Variants in IQSEC1 observed in about 807,000 individuals in gnomAD.
The protein encoded by IQSEC1 is IQ motif and Sec7 domain ArfGEF 1.
Under a neutral mutation model 91.0 loss-of-function variants are expected in IQSEC1, and 31 were observed. That is an observed-to-expected ratio of 0.34 (90% CI 0.26 to 0.46). The LOEUF (loss-of-function observed/expected upper bound fraction) is 0.46. Ranked by LOEUF, IQSEC1 falls within the 20% of genes least tolerant of loss-of-function variation. The pLI is 1.00. For missense variants in IQSEC1, 1,388 were observed against 1,575.6 expected (o/e 0.88, Z 2.02); for synonymous variants, 699 against 662.6 (o/e 1.05, Z -0.84).
chr3:12,937,940 A>G (rs950633183), intron 2 of IQSEC1, among the ~76,000 whole-genome samples: 3 of 152,140 alleles, frequency 2.0e-5, no homozygotes, highest in African/African-American at 7.2e-5. Flanking sequence ...GGTGAGCTAC[A>G]TGCAGGGAGA....
intron 2 of IQSEC1, among the ~76,000 whole-genome samples, chr3:13,092,284 G>A (rs1705876381): frequency 6.6e-6 from 1 of 152,150 alleles, no homozygotes; most frequent in Non-Finnish European, 1.5e-5. Context: ...AGTAAGTTCT[G>A]GGGTTAGTAC....
chr3:13,277,160 C>T (rs630814), intron 1 of IQSEC1, among the ~76,000 whole-genome samples: 86,521 of 140,964 alleles, frequency 0.61, 27,219 homozygotes, highest in East Asian at 0.94. Context: ...CACAAAAGAC[C>T]GGATCAGCTG....
chr3:12,989,231 G>A (rs1286841870), intron 1 of IQSEC1, among the ~76,000 whole-genome samples: 3 of 152,214 alleles, frequency 2.0e-5, no homozygotes, highest in Non-Finnish European at 4.4e-5. Context: ...TTTTGCTCCA[G>A]TGGTAACCCC....
At chr3:13,160,572 T>C (rs1202546246) in intron 2 of IQSEC1, among the ~76,000 whole-genome samples, 2 of 152,248 alleles carry the variant, frequency 1.3e-5, no homozygotes, top group Non-Finnish European at 2.9e-5. Context: ...GTGCAGAATC[T>C]CTGCCCATTA....
intron 2 of IQSEC1, among the ~76,000 whole-genome samples, chr3:13,113,219 G>A (rs1194568512): frequency 6.6e-6 from 1 of 152,204 alleles, no homozygotes; most frequent in African/African-American, 2.4e-5. Flanking sequence ...CTGCCCCTTT[G>A]CCTTGGTCTG....
At chr3:13,138,166 C>A (rs939263748) in intron 2 of IQSEC1, among the ~76,000 whole-genome samples, 2 of 152,212 alleles carry the variant, frequency 1.3e-5, no homozygotes, top group African/African-American at 4.8e-5. Flanking sequence ...CTTCCTCACG[C>A]CCCGGCTGAT....
chr3:13,132,905 G>A (rs1434728615), intron 2 of IQSEC1, among the ~76,000 whole-genome samples: 6 of 152,198 alleles, frequency 3.9e-5, no homozygotes, highest in African/African-American at 9.7e-5. Context: ...CACAACCCCC[G>A]AATGCACAGA....
chr3:12,987,078 C>G (rs1701775120), intron 1 of IQSEC1: 1 of 383,370 alleles, frequency 2.6e-6, no homozygotes, highest in African/African-American at 2.1e-5. Context: ...TCAGCCGTCC[C>G]CCATCTGGTG....
intron 2 of IQSEC1, among the ~76,000 whole-genome samples, chr3:13,097,775 G>A (rs941108820): frequency 7.2e-5 from 11 of 152,170 alleles, no homozygotes; most frequent in African/African-American, 2.4e-4. Context: ...TTCTGGCTGC[G>A]CATTCAACTT....
At chr3:13,026,588 C>T (rs945572015) in intron 1 of IQSEC1, among the ~76,000 whole-genome samples, 6 of 152,234 alleles carry the variant, frequency 3.9e-5, no homozygotes, top group Non-Finnish European at 8.8e-5. Flanking sequence ...CAAATGAAAA[C>T]GATTTCCCAC....
intron 1 of IQSEC1, among the ~76,000 whole-genome samples, chr3:13,069,878 G>C (rs1325179563): frequency 1.3e-5 from 2 of 152,196 alleles, no homozygotes; most frequent in Admixed American, 6.5e-5. Context: ...TTTGATTCAG[G>C]GTCTGATTCT....
chr3:13,101,590 T>C (rs1036060495), intron 2 of IQSEC1, among the ~76,000 whole-genome samples: 6 of 151,842 alleles, frequency 4.0e-5, no homozygotes, highest in African/African-American at 1.5e-4. Flanking sequence ...GAGCTCCCGG[T>C]TTCCACGACA....
chr3:13,099,050 G>T (rs996593221), intron 2 of IQSEC1, among the ~76,000 whole-genome samples: 1 of 152,206 alleles, frequency 6.6e-6, no homozygotes, highest in Non-Finnish European at 1.5e-5. Context: ...GGGATGGGGG[G>T]AACAGGCCGG....
rs143680059 is a variant in IQSEC1, at chr3:13,192,200, T to C, written c.273-28067A>G. ...AATACAAAAAGAAATTAGCCAGGCA[T>C]GGTGGCGGGCGCCTGTAGTCCCAGC... On this transcript the variant is annotated intron_variant, in intron 1 of 15. Coordinates refer to the IQSEC1 transcript ENST00000648114. Among the ~76,000 whole-genome samples, 185 of 151,842 alleles carry C rather than the reference T, an allele frequency of 1.2e-3. 1 individual carries two copies. The highest frequency in any genetic ancestry group is 2.1e-3 in the Non-Finnish European group (143 of 67,954).
At chr3:13,147,388 C>T (rs1264574519) in intron 2 of IQSEC1, among the ~76,000 whole-genome samples, 2 of 147,750 alleles carry the variant, frequency 1.4e-5, no homozygotes, top group African/African-American at 2.5e-5. Flanking sequence ...CATAGTTTAG[C>T]TCCCACTTAT....
chr3:13,195,091 C>T (rs796603052), intron 1 of IQSEC1, among the ~76,000 whole-genome samples: 6 of 152,172 alleles, frequency 3.9e-5, no homozygotes, highest in East Asian at 1.9e-4. Flanking sequence ...GTTACAAATC[C>T]CACATCTGAC....
chr3:13,116,764 G>A (rs992373249), intron 2 of IQSEC1, among the ~76,000 whole-genome samples: 2 of 152,028 alleles, frequency 1.3e-5, no homozygotes, highest in African/African-American at 4.8e-5. Context: ...CCAGGTGGTA[G>A]TGGCAACAGA....
chr3:13,167,134 G>T (rs1451862484), intron 1 of IQSEC1, among the ~76,000 whole-genome samples: 1 of 152,208 alleles, frequency 6.6e-6, no homozygotes, highest in Non-Finnish European at 1.5e-5. Context: ...GGGCAAAGAA[G>T]CAGATGGTCA....
intron 1 of IQSEC1, among the ~76,000 whole-genome samples, chr3:13,269,787 C>A (rs1157733435): frequency 6.6e-6 from 1 of 152,242 alleles, no homozygotes; most frequent in Non-Finnish European, 1.5e-5. Flanking sequence ...TCTGAGCAAA[C>A]CAAATGTGGG....
Sources: allele counts gnomAD v4.1 joint callset (sites outside exome capture counted in the v4.1 genomes callset), GRCh38; gene constraint gnomAD v4.1.1; transcripts MANE v1.5; gene names NCBI Gene and HGNC (gene_info 2026-07-23, HGNC 2026-07-21).